The following TRIO variants were observed in gnomAD, a reference collection of about 807,000 sequenced individuals.
The protein encoded by TRIO is trio Rho guanine nucleotide exchange factor.
In TRIO, 58 loss-of-function variants were observed where a neutral mutation model predicts 351.9. The ratio of observed to expected loss-of-function variants is 0.16; its 90% CI spans 0.13 to 0.21. TRIO has a LOEUF of 0.21. Among genes scored for constraint, TRIO ranks in the 10% least tolerant of loss-of-function variants. The pLI, the probability that TRIO is intolerant of heterozygous loss-of-function variation, is 1.00. For synonymous variants in TRIO, 1,758 were observed against 1,595.7 expected, an observed-to-expected ratio of 1.10 and a Z score of -2.42; for missense variants, 3,201 against 4,027.8, an observed-to-expected ratio of 0.79 and a Z score of 5.56.
chr5:14,177,013 A>C (rs1789445719), intron 1 of TRIO, among the ~76,000 whole-genome samples: 1 of 152,212 alleles, frequency 6.6e-6, no homozygotes, highest in Non-Finnish European at 1.5e-5. Flanking sequence ...TTCTTAGGTA[A>C]GCACAAACAA....
intron 8 of TRIO, among the ~76,000 whole-genome samples, chr5:14,309,383 C>T (rs968734550): frequency 2.0e-5 from 3 of 152,212 alleles, no homozygotes. Flanking sequence ...CTTAACCTGG[C>T]ACAGGGACAC....
chr5:14,237,989 A>G (rs1049364600), intron 1 of TRIO, among the ~76,000 whole-genome samples: 5 of 152,220 alleles, frequency 3.3e-5, no homozygotes, highest in African/African-American at 7.2e-5. Context: ...AGCAGCTTGT[A>G]GTCACTGCCC....
At chr5:14,499,306 C>G (rs564739306) in intron 53 of TRIO, 1 of 152,590 alleles carries the variant, frequency 6.6e-6, no homozygotes, top group Admixed American at 6.5e-5. Context: ...CCACAAGCTC[C>G]CTGGGGCAGA....
intron 1 of TRIO, among the ~76,000 whole-genome samples, chr5:14,182,270 C>G (rs1421313763): frequency 6.6e-6 from 1 of 152,196 alleles, no homozygotes; most frequent in Non-Finnish European, 1.5e-5. Flanking sequence ...GCACGTCCTC[C>G]TATTTGGTAG....
At chr5:14,380,273 TCCTCCTTCGCGCCCC>T (rs1745960504) in intron 20 of TRIO, among the ~76,000 whole-genome samples, 1 of 27,534 alleles carries the variant, frequency 3.6e-5, no homozygotes, top group Non-Finnish European at 7.5e-5. Context: ...GCGCCCCGCC[TCCTCCTTCGCGCCCC>T]GCCTCCTCCT....
At chr5:14,367,582 C>A (rs1239742604) in intron 16 of TRIO, among the ~76,000 whole-genome samples, 1 of 152,214 alleles carries the variant, frequency 6.6e-6, no homozygotes, top group Non-Finnish European at 1.5e-5. Context: ...ATCCAATTAA[C>A]TGTCAGCATG....
At chr5:14,344,240 A>G (rs537474228) in intron 11 of TRIO, among the ~76,000 whole-genome samples, 120 of 150,742 alleles carry the variant, frequency 8.0e-4, no homozygotes, top group African/African-American at 2.9e-3. Context: ...TGACCTTGGC[A>G]TCACTTGGCA....
At chr5:14,215,462 A>AT (rs1792159664) in intron 1 of TRIO, among the ~76,000 whole-genome samples, 1 of 152,088 alleles carries the variant, frequency 6.6e-6, no homozygotes, top group Non-Finnish European at 1.5e-5. Context: ...TAAAAACTTG[A>AT]TTTTTTTCCT....
intron 34 of TRIO, chr5:14,440,785 C>G (rs1751966647): frequency 6.6e-6 from 1 of 152,146 alleles, no homozygotes; most frequent in Non-Finnish European, 1.5e-5. Context: ...ACACAAAGCC[C>G]AAGTCAGGGA....
At position 14,502,639 on chromosome 5, in the gene TRIO, A is replaced by G. The variant is rs971909975; in HGVS notation, c.8393A>G (p.Glu2798Gly). ...GACAACTTTGACTCCTTCTACAGTG[A>G]AGTGGCTGAGCTTGGCAGGTATGAT... ...WKDNFDSFYS[E>G]VAELGRGRFS... The change falls in exon 54 of 57, where the codon GAA (glutamate) becomes GGA (glycine). Residue 2798 changes from glutamate to glycine, a missense_variant. By Grantham distance (98) the Glu-to-Gly change is moderately conservative. Around this residue, in one of 19 missense-constraint regions of TRIO, gnomAD observed 1,089 missense variants for 954.9 expected, o/e 1.14. Transcript: ENST00000344204. 1 of 1,614,210 alleles carries G rather than the reference A, an allele frequency of 6.2e-7. No individual in the cohort carries two copies. Among genetic ancestry groups the G allele is most frequent in the African/African-American group, 1.3e-5 (1 of 75,052 alleles).
At chr5:14,189,601 G>A (rs949670656) in intron 1 of TRIO, among the ~76,000 whole-genome samples, 6 of 152,274 alleles carry the variant, frequency 3.9e-5, no homozygotes, top group African/African-American at 1.2e-4. Flanking sequence ...CGTGAGTGTC[G>A]TTTATTTTCA....
At chr5:14,252,105 C>T (rs1196529337) in intron 1 of TRIO, among the ~76,000 whole-genome samples, 1 of 151,040 alleles carries the variant, frequency 6.6e-6, no homozygotes, top group East Asian at 1.9e-4. Context: ...TTACTGTAAA[C>T]TCACTCCTGG....
At chr5:14,327,887 C>T (rs754491739) in intron 9 of TRIO, among the ~76,000 whole-genome samples, 45 of 152,318 alleles carry the variant, frequency 3.0e-4, no homozygotes, top group African/African-American at 9.4e-4. Flanking sequence ...TTTCTTTAGC[C>T]GTGGAATGGA....
intron 36 of TRIO, among the ~76,000 whole-genome samples, chr5:14,464,909 C>T (rs1157451264): frequency 1.3e-5 from 2 of 152,050 alleles, no homozygotes; most frequent in Non-Finnish European, 2.9e-5. Context: ...TTTACGCCCT[C>T]GATTCTAGCC....
At chr5:14,339,227 A>C (rs1741712737) in intron 11 of TRIO, among the ~76,000 whole-genome samples, 1 of 152,140 alleles carries the variant, frequency 6.6e-6, no homozygotes, top group Non-Finnish European at 1.5e-5. Context: ...ACAGAGCAAG[A>C]CCCTGTCTCA....
chr5:14,429,715 G>A (rs1240180603), intron 34 of TRIO, among the ~76,000 whole-genome samples: 1 of 152,106 alleles, frequency 6.6e-6, no homozygotes. Context: ...GACATGAAGC[G>A]GTATAAACTG....
intron 34 of TRIO, among the ~76,000 whole-genome samples, chr5:14,431,108 T>TGG (rs990912161): frequency 1.1e-4 from 17 of 152,300 alleles, no homozygotes; most frequent in African/African-American, 4.1e-4. Flanking sequence ...GAAAAAGGCA[T>TGG]GGGGGTAGGA....
chr5:14,207,232 C>T (rs33007), intron 1 of TRIO, among the ~76,000 whole-genome samples: 56,923 of 137,250 alleles, frequency 0.41, 14,555 homozygotes, highest in Non-Finnish European at 0.54. Flanking sequence ...GAGTTCAGGA[C>T]CAGCCTGGGC....
At chr5:14,243,469 T>C (rs1794249836) in intron 1 of TRIO, among the ~76,000 whole-genome samples, 1 of 152,196 alleles carries the variant, frequency 6.6e-6, no homozygotes, top group Non-Finnish European at 1.5e-5. Flanking sequence ...TTTCCATGTA[T>C]CTGTTATAAT....
Sources: gnomAD v4.1 joint callset for allele counts (sites outside exome capture counted in the v4.1 genomes callset) on GRCh38, gnomAD v4.1.1 for gene constraint, gnomAD v4.1.1 regional missense constraint, MANE v1.5 for transcripts, NCBI Gene and HGNC (gene_info 2026-07-23, HGNC 2026-07-21) for gene names.